ACSS3: variants seen among roughly 807,000 people sequenced by gnomAD.
ACSS3 encodes the protein acyl-CoA synthetase short chain family member 3.
ACSS3 carries 64 observed loss-of-function variants against 84.2 expected under a neutral mutation model. The ratio of observed to expected loss-of-function variants is 0.76; its 90% confidence interval spans 0.62 to 0.94. The LOEUF (loss-of-function observed/expected upper bound fraction) is 0.94, where lower values mean the gene tolerates loss of function less well. Among genes scored for constraint, ACSS3 ranks in the 40% least tolerant of loss-of-function variants. ACSS3 has a pLI of 0.00. For missense variants in ACSS3, 815 were observed against 867.6 expected, an observed-to-expected ratio of 0.94 and a Z score of 0.76; for synonymous variants, 317 against 310.1, an observed-to-expected ratio of 1.02 and a Z score of -0.23.
intron 7 of ACSS3, among the ~76,000 whole-genome samples, chr12:81,165,532 G>C (rs1018546325): frequency 6.6e-6 from 1 of 152,120 alleles, no homozygotes; most frequent in African/African-American, 2.4e-5. Flanking sequence ...TGTAGTCCCA[G>C]CTACTTGGGA....
intron 7 of ACSS3, among the ~76,000 whole-genome samples, chr12:81,166,816 T>A (rs1264109603): frequency 6.6e-6 from 1 of 152,266 alleles, no homozygotes; most frequent in African/African-American, 2.4e-5. Context: ...AACCTCAGGT[T>A]GAATCGTAGT....
intron 9 of ACSS3, among the ~76,000 whole-genome samples, chr12:81,210,852 G>A (rs888266484): frequency 5.9e-5 from 9 of 152,238 alleles, no homozygotes; most frequent in South Asian, 2.1e-4. Flanking sequence ...GTAAAAATAA[G>A]CTTTAGTCTT....
intron 13 of ACSS3, among the ~76,000 whole-genome samples, chr12:81,247,743 A>G (rs1235413843): frequency 6.6e-6 from 1 of 152,116 alleles, no homozygotes; most frequent in Non-Finnish European, 1.5e-5. Flanking sequence ...GCTCCTAGCA[A>G]TATTGCTTAG....
intron 13 of ACSS3, among the ~76,000 whole-genome samples, chr12:81,251,281 C>T (rs117503763): frequency 0.016 from 2,454 of 152,114 alleles, 33 homozygotes; most frequent in Non-Finnish European, 0.028. Flanking sequence ...AACTATTCTG[C>T]GTGATACTAT....
chr12:81,247,588 T>C (rs2034023535), intron 13 of ACSS3, among the ~76,000 whole-genome samples: 1 of 152,122 alleles, frequency 6.6e-6, no homozygotes, highest in Non-Finnish European at 1.5e-5. Flanking sequence ...AACTTCTCTC[T>C]ATATATGAAT....
At chr12:81,085,069 A>G (rs565041477) in intron 1 of ACSS3, among the ~76,000 whole-genome samples, 6 of 152,332 alleles carry the variant, frequency 3.9e-5, no homozygotes, top group African/African-American at 1.4e-4. Context: ...GAAGAAATCT[A>G]TGTTTAAATG....
intron 7 of ACSS3, among the ~76,000 whole-genome samples, chr12:81,154,304 A>C (rs1886759620): frequency 6.6e-6 from 1 of 152,128 alleles, no homozygotes. Flanking sequence ...GCTATTTACC[A>C]TGGGCTTTTA....
At chr12:81,172,258 T>TAAAA (rs2030116121) in intron 7 of ACSS3, among the ~76,000 whole-genome samples, 2 of 12,268 alleles carry the variant, frequency 1.6e-4, no homozygotes, top group Non-Finnish European at 2.2e-4. Context: ...AGGCTCTGTC[T>TAAAA]CAAAAAAAAA....
At position 81,152,858 on chromosome 12, in the gene ACSS3, CA is replaced by C. The variant is rs201068123; in HGVS notation, c.1098+763del. 8.7e-3 allele frequency among the ~76,000 whole-genome samples: 1,326 copies of C among 152,030 alleles called. 19 individuals are homozygous for C. The highest frequency in any genetic ancestry group is 0.031 in the African/African-American group (1,274 of 41,504). On this transcript the variant is annotated intron_variant, in intron 7 of 15. Transcript: ENST00000548058. The stretch of plus-strand genomic sequence containing the variant: ...AGTTCTATATTTAAATTAAAAAATA[CA>C]GAAATGAAATAGGGAAAACTTGGGT...
chr12:81,179,271 CAAAA>C, intron 8 of ACSS3, among the ~76,000 whole-genome samples: 1 of 66,802 alleles, frequency 1.5e-5, no homozygotes, highest in South Asian at 5.3e-4. Flanking sequence ...AAGTAATTGC[CAAAA>C]AAAAAAAAAA....
At chr12:81,213,959 CTTTCTTTCTTTCTTTCTTTCTTTCTT>C (rs1565724344) in intron 9 of ACSS3, among the ~76,000 whole-genome samples, 3 of 75,920 alleles carry the variant, frequency 4.0e-5, no homozygotes, top group African/African-American at 5.3e-5. Flanking sequence ...CCCTCTCTCT[CTTTCTTTCTTTCTTTCTTTCTTTCTT>C]TCTTTCTTTC....
chr12:81,078,191 C>G lies in ACSS3; in HGVS notation c.71C>G (p.Ser24Cys). 2.6e-6 allele frequency: 4 copies of G among 1,551,474 alleles called. No individual in the cohort carries two copies. The highest frequency in any genetic ancestry group is 3.5e-6 in the Non-Finnish European group (4 of 1,152,688). Residue 24 changes from serine (S) to cysteine (C), a missense_variant, in exon 1 of 16, where the codon TCC becomes TGC. Physicochemically the swap from Ser to Cys is moderately radical, Grantham distance 112. Transcript: ENST00000548058. ...GGGCTCGGAGGGCCCTTGCCTGGGT[C>G]CTCTCCGGCCCGGGGAGCCGGTGCG... ...AGGLGGPLPG[S>C]SPARGAGAAL... is the part of the protein sequence containing the mutation.
At chr12:81,107,634 T>C (rs1289071511) in intron 1 of ACSS3, among the ~76,000 whole-genome samples, 4 of 147,690 alleles carry the variant, frequency 2.7e-5, no homozygotes, top group Admixed American at 1.4e-4. Context: ...ACCTTTTTGT[T>C]GGTGTGTTAG....
Position 81,177,829 on chromosome 12 carries a change from G to T in ACSS3, c.1250+2890G>T, listed in dbSNP as rs1473731773. 2.6e-5 allele frequency among the ~76,000 whole-genome samples: 4 copies of T among 152,176 alleles called. 1 individual carries two copies. Among genetic ancestry groups the T allele is most frequent in the Admixed American group, 2.6e-4 (4 of 15,278 alleles). On this transcript the variant is annotated intron_variant, in intron 8 of 15. Transcript: ENST00000548058. ...TCAGGAAACAACAGGTGCTGGAGAG[G>T]ATGTGGAGAAATAGGAACACTTTTA...
chr12:81,122,026 C>A (rs544049516), intron 2 of ACSS3, among the ~76,000 whole-genome samples: 1 of 151,610 alleles, frequency 6.6e-6, no homozygotes, highest in South Asian at 2.1e-4. Flanking sequence ...CTCCACCTCC[C>A]GGTTCAGGCA....
intron 1 of ACSS3, among the ~76,000 whole-genome samples, chr12:81,088,529 C>T (rs549935329): frequency 2.2e-4 from 34 of 152,004 alleles, no homozygotes; most frequent in Admixed American, 3.9e-4. Context: ...CCATAGTATG[C>T]GCTAGATACA....
At position 81,258,305 on chromosome 12, in the gene ACSS3, C is replaced by CTGT. The variant is rs2034405128; in HGVS notation, c.*3385_*3387dup. The CTGT allele has an allele frequency of 6.6e-6, 1 of 152,062 alleles. No homozygotes were observed. The allele number at this position is 152,062 out of a possible 1,614,324, so 9.4% of individuals were successfully genotyped here. On this transcript the variant is annotated 3_prime_UTR_variant, in exon 16 of 16. Transcript: ENST00000548058. Reference sequence around the variant, plus strand: ...TTTTTATTGACAATGGAAAGGGTTTCTGTTATCATTACCTTTTGACTGAAT... The same window carrying CTGT: ...TTTTTATTGACAATGGAAAGGGTTTCTGTTGTTATCATTACCTTTTGACTGAAT...
rs1459845944 is a variant in ACSS3, at chr12:81,256,082, T to C, written c.*1160T>C. ...CAGGTAGTGTAATGTCTAGGTGATTTTGAAGTGAACTTAAGCCACTAGGTT... is the reference window on the plus strand; with the variant it reads ...CAGGTAGTGTAATGTCTAGGTGATTCTGAAGTGAACTTAAGCCACTAGGTT... On this transcript the variant is annotated 3_prime_UTR_variant, in exon 16 of 16. Transcript: ENST00000548058. 6.6e-6 allele frequency: 1 copy of C among 152,168 alleles called. No individual in the cohort carries two copies. Among genetic ancestry groups the C allele is most frequent in the Non-Finnish European group, 1.5e-5 (1 of 68,056 alleles). The allele number at this position is 152,168 out of a possible 1,614,324, so 9.4% of individuals were successfully genotyped here. A position where few individuals can be genotyped will look rare whatever the true frequency, so the allele number is the denominator to read the frequency against.
At chr12:81,135,237 A>T (rs1885722986) in intron 3 of ACSS3, among the ~76,000 whole-genome samples, 2 of 144,956 alleles carry the variant, frequency 1.4e-5, no homozygotes, top group African/African-American at 5.3e-5. Flanking sequence ...AACCTAAGTG[A>T]CCATCAACTG....
Sources: allele counts gnomAD v4.1 joint callset (sites outside exome capture counted in the v4.1 genomes callset), GRCh38; gene constraint gnomAD v4.1.1; transcripts MANE v1.5; gene names NCBI Gene and HGNC (gene_info 2026-07-23, HGNC 2026-07-21).